EIF3J: variants seen among roughly 807,000 people sequenced by gnomAD.
EIF3J encodes eukaryotic translation initiation factor 3, subunit 1 (alpha, 35kD).
In EIF3J, 15 loss-of-function variants were observed where a neutral mutation model predicts 39.0. The ratio of observed to expected loss-of-function variants is 0.38; its 90% CI spans 0.26 to 0.59. The LOEUF (loss-of-function observed/expected upper bound fraction) is 0.59, where lower values mean the gene tolerates loss of function less well. Among genes scored for constraint, EIF3J ranks in the 20% least tolerant of loss-of-function variants. EIF3J has a pLI of 0.60. For missense variants in EIF3J, 226 were observed against 308.6 expected (o/e 0.73, Z 2.00); for synonymous variants, 98 against 112.9 (o/e 0.87, Z 0.84).
In EIF3J at chr15:44,561,892, C is replaced by T. The variant is rs535603061; in HGVS notation, c.*743C>T. On this transcript the variant is annotated 3_prime_UTR_variant, in exon 8 of 8. Coordinates refer to ENST00000261868, the MANE Select transcript of EIF3J (RefSeq NM_003758.4). Reference sequence around the variant, plus strand: ...TTGCCTGATTTAAGTGTCTGAGAAACAAATCTTTGTTCTCTTAGGCTGCAA... The same window carrying T: ...TTGCCTGATTTAAGTGTCTGAGAAATAAATCTTTGTTCTCTTAGGCTGCAA... 38 of 152,692 alleles carry T rather than the reference C, an allele frequency of 2.5e-4. No individual in the cohort carries two copies. Among genetic ancestry groups the T allele is most frequent in the African/African-American group, 8.9e-4 (37 of 41,552 alleles). 9.5% of individuals were successfully genotyped at this position (152,692 alleles called of 1,614,324 possible).
At chr15:44,560,467 G>T in intron 7 of EIF3J, 145 bp downstream of exon 7, 1 of 688,898 alleles carries the variant, frequency 1.5e-6, no homozygotes, top group Non-Finnish European at 2.3e-6. Context: ...AGAGGAGTAT[G>T]GGTGCTATTA....
At chr15:44,551,312 A>G in intron 3 of EIF3J, 119 bp from the exon 4 acceptor site, 1 of 688,036 alleles carries the variant, frequency 1.5e-6, no homozygotes, top group Non-Finnish European at 2.4e-6. Flanking sequence ...TGTGAGAAAA[A>G]TCACTGTTTG....
intron 7 of EIF3J, 70 bp downstream of exon 7, chr15:44,560,392 T>C: frequency 7.1e-7 from 1 of 1,410,434 alleles, no homozygotes; most frequent in Non-Finnish European, 9.8e-7. Flanking sequence ...AGTCAACAAA[T>C]ATAATAGGAG....
chr15:44,556,266 T>G (rs1216202477), intron 5 of EIF3J, among the ~76,000 whole-genome samples: 1 of 152,192 alleles, frequency 6.6e-6, no homozygotes, highest in Non-Finnish European at 1.5e-5. Context: ...TTCTTATTCT[T>G]TTTGTTCCCT....
chr15:44,549,540 C>T (rs998130507), intron 2 of EIF3J, among the ~76,000 whole-genome samples: 7 of 151,880 alleles, frequency 4.6e-5, no homozygotes, highest in African/African-American at 7.3e-5. Flanking sequence ...GAAGCCGAGG[C>T]GGGCGGATCA....
chr15:44,562,463 T>A lies in EIF3J; in HGVS notation c.*1314T>A, dbSNP rs2082211344. 1 of 152,678 alleles carries A rather than the reference T, an allele frequency of 6.5e-6. No individual in the cohort carries two copies. Among genetic ancestry groups the A allele is most frequent in the South Asian group, 2.1e-4 (1 of 4,836 alleles). The allele number at this position is 152,678 out of a possible 1,614,324, so 9.5% of individuals were successfully genotyped here. On this transcript the variant is annotated 3_prime_UTR_variant, in exon 8 of 8. Transcript: ENST00000261868. ...ACCAAATGTGTGGTTAGTGTTTTTT[T>A]ATTCCCCTAAGACAGAAAGAACAAA...
In EIF3J at chr15:44,551,539, A is replaced by G. The variant is rs1182496819; in HGVS notation, c.294+17A>G. The G allele has an allele frequency of 1.3e-6, 2 of 1,552,378 alleles. No individual in the cohort carries two copies. Among genetic ancestry groups the G allele is most frequent in the Admixed American group, 2.0e-5 (1 of 50,448 alleles). On this transcript the variant is annotated intron_variant, in intron 4 of 7. Transcript: ENST00000261868. ...AAAAAGAGGGTAAATTCTGTTTTCT[A>G]AAATACAGAATTCTCACATCGGTAG...
rs1453961523 is a variant in EIF3J at position 44,540,251 on chromosome 15, A to G, written c.147+2824A>G. On this transcript the variant is annotated intron_variant, in intron 2 of 7. Transcript: ENST00000261868. ...CGCGCCTGGCTATATATATATATAT[A>G]TATATATATATATATATTTTTTTTT... Among the ~76,000 whole-genome samples, 12 of 48,294 alleles carry G rather than the reference A, an allele frequency of 2.5e-4. No individual in the cohort carries two copies. The Admixed American group carries it at 3.2e-3, about 13-fold the overall frequency. The allele number at this position is 48,294 out of a possible 152,430, so 31.7% of individuals were successfully genotyped here. A position where few individuals can be genotyped will look rare whatever the true frequency, so the allele number is the denominator to read the frequency against.
At position 44,560,240 on chromosome 15, in the gene EIF3J, T is replaced by A; in HGVS notation, c.572-9T>A. On this transcript the variant is annotated splice_polypyrimidine_tract_variant and intron_variant, in intron 6 of 7. Coordinates refer to ENST00000261868, the MANE Select transcript of EIF3J (RefSeq NM_003758.4). ...TTCAAGTTTAATGGTATGCCCTTTT[T>A]TTTTTAAGTGGAAATTGATGACTTG... 6.3e-7 allele frequency: 1 copy of A among 1,597,280 alleles called. No homozygotes were observed.
At chr15:44,545,324 T>A (rs1185436828) in intron 2 of EIF3J, among the ~76,000 whole-genome samples, 1 of 152,200 alleles carries the variant, frequency 6.6e-6, no homozygotes, top group African/African-American at 2.4e-5. Context: ...AAAACATGCT[T>A]TTTAAAGACC....
intron 2 of EIF3J, among the ~76,000 whole-genome samples, chr15:44,547,510 C>T (rs1289895463): frequency 1.4e-5 from 2 of 140,246 alleles, no homozygotes; most frequent in African/African-American, 5.4e-5. Flanking sequence ...AGTGCAGTGG[C>T]ACAATCTTGG....
At chr15:44,540,719 G>A (rs1228268164) in intron 2 of EIF3J, among the ~76,000 whole-genome samples, 2 of 152,208 alleles carry the variant, frequency 1.3e-5, no homozygotes, top group Non-Finnish European at 2.9e-5. Flanking sequence ...GGGATTATGG[G>A]CGTGAGCCAG....
In EIF3J at chr15:44,561,196, T is replaced by G; in HGVS notation, c.*47T>G. ...CATCTTTATGTTGCCCACAATCCCT[T>G]GAACATGTAGCACAACTTCCTTTCC... On this transcript the variant is annotated 3_prime_UTR_variant, in exon 8 of 8. Coordinates refer to ENST00000261868, the MANE Select transcript of EIF3J (RefSeq NM_003758.4). 6.3e-7 allele frequency: 1 copy of G among 1,580,548 alleles called. No individual in the cohort carries two copies. Among genetic ancestry groups the G allele is most frequent in the Admixed American group, 1.7e-5 (1 of 57,560 alleles).
intron 2 of EIF3J, among the ~76,000 whole-genome samples, chr15:44,548,420 A>C: frequency 6.6e-6 from 1 of 152,208 alleles, no homozygotes. Context: ...CGTCTCAAAA[A>C]ACAAGACCAA....
At chr15:44,547,213 G>A (rs1396177605) in intron 2 of EIF3J, among the ~76,000 whole-genome samples, 1 of 151,998 alleles carries the variant, frequency 6.6e-6, no homozygotes, top group Non-Finnish European at 1.5e-5. Flanking sequence ...GCGCGATCTC[G>A]GCTCACCACA....
rs1396068250 is a variant in EIF3J at position 44,561,133 on chromosome 15, A to G, written c.761A>G (p.Tyr254Cys). The change falls in exon 8 of 8, where the codon TAT becomes TGT. Residue 254 changes from tyrosine to cysteine, a missense_variant. Around this residue, in one of 2 missense-constraint regions of EIF3J, gnomAD observed 83 missense variants for 152.6 expected, o/e 0.54. Transcript: ENST00000261868. ...GGYDGGYVQD[Y>C]EDFM Reference sequence around the variant, plus strand: ...TATGATGGAGGATATGTACAAGACTATGAAGACTTCATGTGACATTTTATC... The same window carrying G: ...TATGATGGAGGATATGTACAAGACTGTGAAGACTTCATGTGACATTTTATC... 3 of 1,611,874 alleles carry G rather than the reference A, an allele frequency of 1.9e-6. No homozygotes were observed. Among genetic ancestry groups the G allele is most frequent in the Admixed American group, 3.3e-5 (2 of 59,854 alleles).
At chr15:44,537,480 C>T (rs976096748) in intron 2 of EIF3J, 53 bp downstream of exon 2, 12 of 1,444,934 alleles carry the variant, frequency 8.3e-6, no homozygotes, top group Non-Finnish European at 8.2e-6. Flanking sequence ...GCGCTGTTGC[C>T]GGCCGACTCT....
chr15:44,537,715 G>A (rs1429365235), intron 2 of EIF3J, among the ~76,000 whole-genome samples: 2 of 152,230 alleles, frequency 1.3e-5, no homozygotes, highest in East Asian at 1.9e-4. Context: ...CCACGTGCAA[G>A]CTTCGCGGTC....
At chr15:44,545,105 A>T (rs1259290150) in intron 2 of EIF3J, among the ~76,000 whole-genome samples, 1 of 152,172 alleles carries the variant, frequency 6.6e-6, no homozygotes, top group African/African-American at 2.4e-5. Flanking sequence ...TATGTGTAAT[A>T]ATCCTTCTCT....
Sources: gnomAD v4.1 joint callset for allele counts (sites outside exome capture counted in the v4.1 genomes callset) on GRCh38, gnomAD v4.1.1 for gene constraint, gnomAD v4.1.1 regional missense constraint, MANE v1.5 for transcripts, NCBI Gene and HGNC (gene_info 2026-07-23, HGNC 2026-07-21) for gene names.